Variants in DNAH8 observed in about 807,000 individuals in gnomAD.
DNAH8 encodes axonemal beta dynein heavy chain 8.
In DNAH8, 382 loss-of-function variants were observed where a neutral mutation model predicts 562.1. The ratio of observed to expected loss-of-function variants is 0.68; its 90% CI spans 0.63 to 0.74. DNAH8 has a LOEUF of 0.74. Among genes scored for constraint, DNAH8 ranks in the 30% least tolerant of loss-of-function variants. The probability of loss-of-function intolerance (pLI) is 0.00; values close to 1 mark genes in which losing one functional copy is unlikely to be tolerated. For missense variants in DNAH8, 5,203 were observed against 5,620.4 expected, an observed-to-expected ratio of 0.93 and a Z score of 2.37; for synonymous variants, 1,881 against 1,919.4, an observed-to-expected ratio of 0.98 and a Z score of 0.52.
intron 88 of DNAH8, among the ~76,000 whole-genome samples, chr6:39,004,453 A>G (rs1300976403): frequency 6.6e-6 from 1 of 152,212 alleles, no homozygotes; most frequent in Non-Finnish European, 1.5e-5. Context: ...TTTCTAAAGT[A>G]TACTCCACCA....
At chr6:38,787,911 G>A (rs1005614798) in intron 18 of DNAH8, among the ~76,000 whole-genome samples, 1 of 152,052 alleles carries the variant, frequency 6.6e-6, no homozygotes, top group Non-Finnish European at 1.5e-5. Context: ...CTGTGGACAT[G>A]TATTTTGGAA....
intron 87 of DNAH8, among the ~76,000 whole-genome samples, chr6:38,984,832 T>G (rs1055439746): frequency 6.6e-6 from 1 of 152,090 alleles, no homozygotes; most frequent in African/African-American, 2.4e-5. Context: ...ACAATCTACT[T>G]GTGGTGCAGA....
chr6:38,897,333 C>CAGGGGTG (rs1453563633), intron 60 of DNAH8, among the ~76,000 whole-genome samples: 1 of 152,098 alleles, frequency 6.6e-6, no homozygotes, highest in African/African-American at 2.4e-5. Flanking sequence ...ACTACAATGG[C>CAGGGGTG]AGGGGTGAGT....
Position 38,750,516 on chromosome 6 carries a change from A to G in DNAH8, c.1334A>G (p.Asn445Ser), listed in dbSNP as rs1178890483. Residue 445 changes from asparagine to serine, a missense_variant, in exon 9 of 93, where the codon AAT becomes AGT. This residue lies in a region of DNAH8 where 2,176 missense variants were observed against 2,365.1 expected (regional missense o/e 0.92). Transcript: ENST00000327475. Reference protein sequence around the residue: ...DLDARITDTANESKDNVRYLY... With the variant: ...DLDARITDTASESKDNVRYLY... ...GATGCAAGAATCACTGATACAGCAA[A>G]TGAATCCAAAGATAATGTCAGATAT... The G allele has an allele frequency of 1.2e-6, 2 of 1,612,704 alleles. No individual in the cohort carries two copies. Among genetic ancestry groups the G allele is most frequent in the Non-Finnish European group, 1.7e-6 (2 of 1,179,366 alleles).
Position 38,783,159 on chromosome 6 carries a change from G to A in DNAH8, c.2395+20G>A, listed in dbSNP as rs1382244114. 1 of 1,610,190 alleles carries A rather than the reference G, an allele frequency of 6.2e-7. No individual in the cohort carries two copies. ...ATTACGGTGTGTATAACACTGCCAT[G>A]AGCCTACAAAGTAGGGATTAGGTGA... On this transcript the variant is annotated intron_variant, in intron 17 of 92. Transcript: ENST00000327475.
rs558903986 is a variant in DNAH8 at position 38,784,923 on chromosome 6, A to T, written c.2395+1784A>T. Among the ~76,000 whole-genome samples the T allele has an allele frequency of 3.9e-5, 6 of 152,350 alleles. No homozygotes were observed. In the South Asian group the frequency reaches 6.2e-4, roughly 16 times the overall value. On this transcript the variant is annotated intron_variant, in intron 17 of 92. Coordinates refer to ENST00000327475, the MANE Select transcript of DNAH8 (RefSeq NM_001206927.2). Reference sequence around the variant, plus strand: ...TGCTTGGGGGCTCTTAAAATATTTTAAAAATGTCCAATAAGTAGACATTAG... The same window carrying T: ...TGCTTGGGGGCTCTTAAAATATTTTTAAAATGTCCAATAAGTAGACATTAG...
intron 91 of DNAH8, among the ~76,000 whole-genome samples, chr6:39,014,951 A>G (rs1449165336): frequency 6.6e-6 from 1 of 152,152 alleles, no homozygotes; most frequent in African/African-American, 2.4e-5. Context: ...GACCTTAACC[A>G]GGTGCCAAGG....
intron 30 of DNAH8, among the ~76,000 whole-genome samples, chr6:38,829,311 T>A (rs1333227201): frequency 6.6e-6 from 1 of 152,186 alleles, no homozygotes; most frequent in Non-Finnish European, 1.5e-5. Flanking sequence ...ATGGTGTCTT[T>A]TGATGCACAA....
At chr6:38,974,123 A>T (rs78262482) in intron 84 of DNAH8, among the ~76,000 whole-genome samples, 2 of 152,302 alleles carry the variant, frequency 1.3e-5, no homozygotes, top group East Asian at 3.9e-4. Context: ...TCTGATATAC[A>T]GGTTGAGCAT....
chr6:38,950,198 G>A (rs987170093), intron 81 of DNAH8, among the ~76,000 whole-genome samples: 13 of 150,866 alleles, frequency 8.6e-5, no homozygotes, highest in Non-Finnish European at 1.8e-4. Context: ...GCGTGTGTGT[G>A]TGTGTGTGTG....
chr6:38,915,158 G>C, intron 67 of DNAH8, 43 bp from the exon 68 acceptor site: 1 of 1,541,394 alleles, frequency 6.5e-7, no homozygotes, highest in Non-Finnish European at 8.7e-7. Context: ...AATTTTGCTT[G>C]AAAGGTTTCT....
chr6:38,852,345 T>C (rs1281156157), intron 39 of DNAH8, among the ~76,000 whole-genome samples: 1 of 150,490 alleles, frequency 6.6e-6, no homozygotes, highest in Non-Finnish European at 1.5e-5. Flanking sequence ...CTGTGAAAGG[T>C]GGAGGTAGAG....
chr6:38,923,897 A>G (rs1237837131), intron 72 of DNAH8, 94 bp from the exon 73 acceptor site: 4 of 1,357,392 alleles, frequency 2.9e-6, no homozygotes, highest in Non-Finnish European at 4.1e-6. Flanking sequence ...GCAAAGAAGG[A>G]TTTCACCCAG....
chr6:38,917,451 G>A (rs750358277), intron 69 of DNAH8, 45 bp downstream of exon 69: 23 of 1,536,406 alleles, frequency 1.5e-5, no homozygotes, highest in Admixed American at 1.2e-4. Context: ...TGCATCAGGC[G>A]TCCTCAGCCC....
chr6:38,905,557 C>T (rs1393500552), intron 62 of DNAH8, among the ~76,000 whole-genome samples: 1 of 152,148 alleles, frequency 6.6e-6, no homozygotes, highest in African/African-American at 2.4e-5. Flanking sequence ...TTCACCAAAT[C>T]AAACTCATCC....
At chr6:38,727,786 A>G (rs1763347324) in intron 3 of DNAH8, among the ~76,000 whole-genome samples, 1 of 151,666 alleles carries the variant, frequency 6.6e-6, no homozygotes, top group Non-Finnish European at 1.5e-5. Flanking sequence ...ACCCCTTCCC[A>G]CTTTCCTGCC....
intron 43 of DNAH8, among the ~76,000 whole-genome samples, chr6:38,861,807 C>G (rs1202532832): frequency 6.6e-6 from 1 of 152,216 alleles, no homozygotes; most frequent in Non-Finnish European, 1.5e-5. Flanking sequence ...GTTGGGATTA[C>G]AGGCGTGAGC....
At chr6:38,873,727 T>TACACACACACACAC (rs762717515) in intron 52 of DNAH8, among the ~76,000 whole-genome samples, 44 of 96,474 alleles carry the variant, frequency 4.6e-4, no homozygotes, top group Non-Finnish European at 5.3e-4. Flanking sequence ...CACATACACC[T>TACACACACACACAC]ACACACACAC....
rs1583365738 is a variant in DNAH8 at position 38,923,904 on chromosome 6, C to A, written c.10791-87C>A. 23 of 1,405,734 alleles carry A rather than the reference C, an allele frequency of 1.6e-5. 2 individuals are homozygous for A. The East Asian group carries it at 4.8e-4, about 29-fold the overall frequency. The allele number at this position is 1,405,734 out of a possible 1,614,324, so 87.1% of individuals were successfully genotyped here. On this transcript the variant is annotated intron_variant, in intron 72 of 92. Transcript: ENST00000327475. The stretch of plus-strand genomic sequence containing the variant: ...AAGCAGGGGCAAAGAAGGATTTCAC[C>A]CAGTAACAGAGCAAAACTGTGACCT...
Sources: allele counts gnomAD v4.1 joint callset (sites outside exome capture counted in the v4.1 genomes callset), GRCh38; gene constraint gnomAD v4.1.1; regional missense constraint gnomAD v4.1.1; transcripts MANE v1.5; gene names NCBI Gene and HGNC (gene_info 2026-07-23, HGNC 2026-07-21).